The following POLI variants were observed in gnomAD, a reference collection of about 807,000 sequenced individuals.
POLI encodes the protein RAD30 homolog B.
A neutral mutation model predicts 51.6 loss-of-function variants in POLI; 58 were observed. The observed-to-expected ratio is 1.12, with a 90% CI of 0.91 to 1.40. POLI has a LOEUF of 1.40. POLI is among the 40% of genes most tolerant of loss of function. The probability of loss-of-function intolerance (pLI) is 0.00; values close to 1 mark genes in which losing one functional copy is unlikely to be tolerated. For missense variants in POLI, 921 were observed against 871.3 expected, an observed-to-expected ratio of 1.06 and a Z score of -0.72; for synonymous variants, 322 against 299.7, an observed-to-expected ratio of 1.07 and a Z score of -0.77.
chr18:54,305,233 T>C (rs1216717748), intron 3 of POLI, among the ~76,000 whole-genome samples: 1 of 152,226 alleles, frequency 6.6e-6, no homozygotes, highest in Non-Finnish European at 1.5e-5. Context: ...TAGGATTGTC[T>C]TGGCTGTGTG....
chr18:54,296,690 A>G lies in POLI; in HGVS notation c.*2223A>G, dbSNP rs938382644. 5.6e-6 allele frequency: 1 copy of G among 177,376 alleles called. No individual in the cohort carries two copies. The allele number at this position is 177,376 out of a possible 1,614,324, so 11.0% of individuals were successfully genotyped here. On this transcript the variant is annotated 3_prime_UTR_variant, in exon 10 of 10. Transcript: ENST00000579534. ...GTTTCTCTTTACTGCATTTTGGGTAATTTCATCAGCTCTATCTTTCTGTTT... is the reference window on the plus strand; with the variant it reads ...GTTTCTCTTTACTGCATTTTGGGTAGTTTCATCAGCTCTATCTTTCTGTTT...
chr18:54,302,744 A>G (rs1000819201), downstream of POLI, among the ~76,000 whole-genome samples: 3 of 152,210 alleles, frequency 2.0e-5, no homozygotes, highest in African/African-American at 7.2e-5. Context: ...GTACCCATTA[A>G]CTATCCCCAC....
At chr18:54,283,042 A>C (rs1327680243) in intron 6 of POLI, 27 bp downstream of exon 6, 1 of 1,395,054 alleles carries the variant, frequency 7.2e-7, no homozygotes, top group South Asian at 1.3e-5. Context: ...ATTTTAATTA[A>C]GTACTGGTTA....
At chr18:54,307,139 A>G (rs2088599490) in intron 3 of POLI, among the ~76,000 whole-genome samples, 1 of 151,984 alleles carries the variant, frequency 6.6e-6, no homozygotes, top group Admixed American at 6.6e-5. Context: ...TAGCTTTTGA[A>G]TTTGTTTGCT....
intron 3 of POLI, among the ~76,000 whole-genome samples, chr18:54,309,508 A>G (rs963315314): frequency 6.6e-6 from 1 of 152,142 alleles, no homozygotes; most frequent in Non-Finnish European, 1.5e-5. Flanking sequence ...GTTGGCCCCT[A>G]CTGGGAGGTG....
intron 1 of POLI, 125 bp downstream of exon 1, chr18:54,269,786 G>A (rs1434289066): frequency 1.4e-6 from 2 of 1,382,720 alleles, no homozygotes; most frequent in Non-Finnish European, 9.3e-7. Context: ...TCCTCTAAGA[G>A]AGGGCTGCCT....
chr18:54,299,688 G>A (rs1206036705), downstream of POLI, among the ~76,000 whole-genome samples: 4 of 152,130 alleles, frequency 2.6e-5, no homozygotes, highest in African/African-American at 4.8e-5. Context: ...AGAGAAGAGG[G>A]TGGGAGATGT....
intron 4 of POLI, among the ~76,000 whole-genome samples, chr18:54,278,750 T>G (rs1052867493): frequency 6.6e-6 from 1 of 152,208 alleles, no homozygotes; most frequent in African/African-American, 2.4e-5. Flanking sequence ...GAATATCTGA[T>G]TAGGCTTTCA....
chr18:54,271,383 A>C lies in POLI; in HGVS notation c.139A>C (p.Thr47Pro). The C allele has an allele frequency of 1.9e-6, 3 of 1,612,630 alleles. No homozygotes were observed. Among genetic ancestry groups the C allele is most frequent in the Non-Finnish European group, 2.5e-6 (3 of 1,179,012 alleles). The stretch of plus-strand genomic sequence containing the variant: ...AGGAGTTCATGATCAAGTGTTGCCC[A>C]CACCAAATGCTTCATCCAGAGTCAT... ...SQGVHDQVLP[T>P]PNASSRVIVH... Residue 47 changes from threonine (T) to proline (P), a missense_variant, in exon 2 of 10, where the codon ACA (threonine) becomes CCA (proline). Coordinates refer to ENST00000579534, the MANE Select transcript of POLI (RefSeq NM_007195.3).
intron 3 of POLI, among the ~76,000 whole-genome samples, chr18:54,317,485 A>G (rs1599287407): frequency 6.6e-6 from 1 of 152,226 alleles, no homozygotes; most frequent in Non-Finnish European, 1.5e-5. Context: ...AGTGTTAGTG[A>G]AAAACAAACT....
chr18:54,311,173 C>CA (rs1305029548), intron 3 of POLI: 1 of 848,782 alleles, frequency 1.2e-6, no homozygotes, highest in Non-Finnish European at 1.4e-6. Context: ...AAGTTACTGA[C>CA]AATTGTAACC....
intron 1 of POLI, chr18:54,270,471 T>C (rs2086956262): frequency 6.6e-6 from 1 of 152,256 alleles, no homozygotes; most frequent in Admixed American, 6.5e-5. Context: ...CTTTTAAATT[T>C]TGGAACTTTA....
At position 54,297,826 on chromosome 18, in the gene POLI, T is replaced by A. The variant is rs1457165645; in HGVS notation, c.*3359T>A. ...ATCTCCAAATTGGATATTATTAGTA[T>A]TTTATATAGTCAATGTTTATTTTTT... On this transcript the variant is annotated 3_prime_UTR_variant, in exon 10 of 10. Transcript: ENST00000579534. The A allele has an allele frequency of 4.1e-6, 4 of 969,698 alleles. No individual in the cohort carries two copies. The highest frequency in any genetic ancestry group is 9.5e-5 in the South Asian group (2 of 21,052). 60.1% of individuals were successfully genotyped at this position (969,698 alleles called of 1,614,324 possible).
chr18:54,299,490 TATC>T (rs1354581406), downstream of POLI, among the ~76,000 whole-genome samples: 1 of 152,142 alleles, frequency 6.6e-6, no homozygotes, highest in Non-Finnish European at 1.5e-5. Context: ...CTCATGTAAG[TATC>T]ATACTGCATA....
intron 3 of POLI, among the ~76,000 whole-genome samples, chr18:54,275,888 T>TAGTCCTTTACTGTATTTATACAG (rs2087219966): frequency 6.6e-6 from 1 of 152,204 alleles, no homozygotes; most frequent in African/African-American, 2.4e-5. Context: ...GCGTAGCCAG[T>TAGTCCTTTACTGTATTTATACAG]TAGTCCTTTA....
chr18:54,277,926 C>A, intron 4 of POLI, 71 bp downstream of exon 4: 2 of 1,115,862 alleles, frequency 1.8e-6, no homozygotes, highest in Non-Finnish European at 2.6e-6. Flanking sequence ...AGTGAGTTCG[C>A]TGTGTGATTC....
At chr18:54,307,066 G>C (rs2144639081) in intron 3 of POLI, among the ~76,000 whole-genome samples, 1 of 152,198 alleles carries the variant, frequency 6.6e-6, no homozygotes, top group Non-Finnish European at 1.5e-5. Flanking sequence ...ATTTTTTGAA[G>C]GGTTTTTTGT....
chr18:54,288,385 T>C (rs953020721), intron 8 of POLI, among the ~76,000 whole-genome samples: 14 of 152,178 alleles, frequency 9.2e-5, no homozygotes, highest in African/African-American at 3.1e-4. Context: ...TTTGAGTTAA[T>C]TTTTTTATGT....
chr18:54,298,984 A>G (rs572346468), downstream of POLI, among the ~76,000 whole-genome samples: 5 of 152,308 alleles, frequency 3.3e-5, no homozygotes, highest in South Asian at 8.3e-4. Context: ...CAATGTGGTT[A>G]TGCTCAGATA....
Sources: allele counts gnomAD v4.1 joint callset (sites outside exome capture counted in the v4.1 genomes callset), GRCh38; gene constraint gnomAD v4.1.1; transcripts MANE v1.5; gene names NCBI Gene and HGNC (gene_info 2026-07-23, HGNC 2026-07-21).